Variants in HSD17B12 observed in about 807,000 individuals in gnomAD.
HSD17B12 encodes the protein hydroxysteroid 17-beta dehydrogenase 12, also known as very-long-chain 3-oxoacyl-CoA reductase.
HSD17B12 carries 32 observed loss-of-function variants against 39.3 expected under a neutral mutation model. The ratio of observed to expected loss-of-function variants is 0.81; its 90% CI spans 0.61 to 1.09. HSD17B12 has a LOEUF of 1.09. Among genes scored for constraint, HSD17B12 ranks in the 50% least tolerant of loss-of-function variants. HSD17B12 has a pLI of 0.00. For missense variants in HSD17B12, 342 were observed against 382.9 expected (o/e 0.89, Z 0.89); for synonymous variants, 150 against 146.7 (o/e 1.02, Z -0.16).
At chr11:43,850,726 C>A (rs1475825699) in intron 9 of HSD17B12, among the ~76,000 whole-genome samples, 3 of 152,182 alleles carry the variant, frequency 2.0e-5, no homozygotes, top group African/African-American at 7.2e-5. Flanking sequence ...ACTGTGCAGT[C>A]CAGTTATCTA....
chr11:43,627,303 T>C, the HSD17B12 span, among the ~76,000 whole-genome samples: 126 of 152,036 alleles, frequency 8.3e-4, no homozygotes, highest in African/African-American at 3.0e-3. Flanking sequence ...TGCTTCTGAT[T>C]TAAAATAAAA....
At chr11:43,821,629 A>C (rs1951183833) in intron 6 of HSD17B12, among the ~76,000 whole-genome samples, 1 of 152,198 alleles carries the variant, frequency 6.6e-6, no homozygotes, top group South Asian at 2.1e-4. Flanking sequence ...AGAGTTTGCA[A>C]ATGAAATTAT....
chr11:43,680,526 G>T (rs567051667), upstream of HSD17B12: 1,318 of 427,324 alleles, frequency 3.1e-3, 6 homozygotes, highest in Non-Finnish European at 4.4e-3. Context: ...ATGAGAGACC[G>T]GGGCGCCTCG....
chr11:43,702,486 A>C (rs1013161164), intron 1 of HSD17B12, among the ~76,000 whole-genome samples: 3 of 152,220 alleles, frequency 2.0e-5, no homozygotes, highest in Non-Finnish European at 2.9e-5. Flanking sequence ...TGTTCCTGCT[A>C]TACCCAGTTT....
chr11:43,662,222 G>A, the HSD17B12 span, among the ~76,000 whole-genome samples: 2 of 149,230 alleles, frequency 1.3e-5, no homozygotes, highest in East Asian at 2.0e-4. Context: ...TTTTTGAGAC[G>A]GAGTTTCAAT....
intron 1 of HSD17B12, among the ~76,000 whole-genome samples, chr11:43,692,678 A>G (rs1158183770): frequency 6.6e-6 from 1 of 152,236 alleles, no homozygotes; most frequent in Non-Finnish European, 1.5e-5. Context: ...TGGTAAGACT[A>G]ATTCGTGAAA....
At chr11:43,619,253 TATATA>T in the HSD17B12 span, among the ~76,000 whole-genome samples, 1 of 129,936 alleles carries the variant, frequency 7.7e-6, no homozygotes, top group African/African-American at 3.2e-5. Context: ...AAAATATATA[TATATA>T]TTTTATATAT....
chr11:43,814,162 T>C (rs926469867), intron 4 of HSD17B12, among the ~76,000 whole-genome samples: 4 of 137,884 alleles, frequency 2.9e-5, no homozygotes, highest in African/African-American at 8.9e-5. Flanking sequence ...TCAGTTATTA[T>C]GATTTTTTTT....
the HSD17B12 span, among the ~76,000 whole-genome samples, chr11:43,641,273 A>T: frequency 4.6e-5 from 7 of 151,894 alleles, no homozygotes; most frequent in Non-Finnish European, 1.0e-4. Context: ...ACTTTCTCAT[A>T]GCCTGAATAA....
chr11:43,690,532 T>A (rs1405320090), intron 1 of HSD17B12, among the ~76,000 whole-genome samples: 1 of 149,706 alleles, frequency 6.7e-6, no homozygotes, highest in African/African-American at 2.5e-5. Context: ...GTGTCCCAGC[T>A]GTGTCTGGCT....
Position 43,831,253 on chromosome 11 carries a change from GA to G in HSD17B12, c.536+248del. 2 of 287,308 alleles carry G rather than the reference GA, an allele frequency of 7.0e-6. No individual in the cohort carries two copies. The highest frequency in any genetic ancestry group is 6.5e-6 in the Non-Finnish European group (1 of 154,588). 17.8% of individuals were successfully genotyped at this position (287,308 alleles called of 1,614,324 possible). The stretch of plus-strand genomic sequence containing the variant: ...TGTAGTGGTTCCTTTAGATCAGGAT[GA>G]AAAAGCCTGCCTGAGTCACCATCAC... On this transcript the variant is annotated intron_variant, in intron 7 of 10. Transcript: ENST00000278353. The surrounding 1 kb of genome is among the most constrained non-coding windows in gnomAD (Gnocchi z 4.1).
intron 1 of HSD17B12, among the ~76,000 whole-genome samples, chr11:43,748,769 A>C (rs1033446421): frequency 6.6e-6 from 1 of 152,236 alleles, no homozygotes; most frequent in Non-Finnish European, 1.5e-5. Context: ...TGACAAAAAC[A>C]CATGGGTTAC....
At chr11:43,576,390 A>G in the HSD17B12 span, among the ~76,000 whole-genome samples, 1 of 152,196 alleles carries the variant, frequency 6.6e-6, no homozygotes, top group South Asian at 2.1e-4. Context: ...TGCTAAAAAT[A>G]GCATCAGGGT....
intron 1 of HSD17B12, among the ~76,000 whole-genome samples, chr11:43,714,158 T>A (rs1326905000): frequency 2.5e-4 from 38 of 152,268 alleles, no homozygotes; most frequent in Admixed American, 2.5e-3. Flanking sequence ...TTGGCTTTTG[T>A]TGCCATTGCT....
At chr11:43,731,435 A>G (rs1950266577) in intron 1 of HSD17B12, among the ~76,000 whole-genome samples, 1 of 152,112 alleles carries the variant, frequency 6.6e-6, no homozygotes, top group Non-Finnish European at 1.5e-5. Flanking sequence ...GGTAGATCTC[A>G]TTACACCTCT....
intron 1 of HSD17B12, among the ~76,000 whole-genome samples, chr11:43,728,402 T>A (rs190615195): frequency 2.3e-4 from 35 of 152,268 alleles, no homozygotes; most frequent in Middle Eastern, 6.8e-3. Flanking sequence ...TATAATTTTA[T>A]TTGAATTTTA....
the HSD17B12 span, among the ~76,000 whole-genome samples, chr11:43,656,888 A>G: frequency 3.2e-4 from 48 of 152,130 alleles, no homozygotes; most frequent in Middle Eastern, 3.4e-3. Flanking sequence ...TTGATTTGGG[A>G]TGGAGAGTTC....
At chr11:43,589,235 T>C in the HSD17B12 span, among the ~76,000 whole-genome samples, 1 of 152,222 alleles carries the variant, frequency 6.6e-6, no homozygotes, top group African/African-American at 2.4e-5. Flanking sequence ...TAACATCTTA[T>C]AAATCTTTTT....
intron 7 of HSD17B12, among the ~76,000 whole-genome samples, chr11:43,832,673 C>A (rs1352398811): frequency 3.3e-5 from 5 of 152,114 alleles, no homozygotes; most frequent in African/African-American, 1.2e-4. Context: ...GAGAGTCCAT[C>A]CATTCAATAG....
Sources: gnomAD v4.1 joint callset for allele counts (sites outside exome capture counted in the v4.1 genomes callset) on GRCh38, gnomAD v4.1.1 for gene constraint, Gnocchi (gnomAD v3.1) non-coding constraint, MANE v1.5 for transcripts, NCBI Gene and HGNC (gene_info 2026-07-23, HGNC 2026-07-21) for gene names.